The following LAMA1 variants were observed in gnomAD, a reference collection of about 807,000 sequenced individuals.
LAMA1 encodes the protein laminin subunit alpha-1.
A neutral mutation model predicts 348.7 loss-of-function variants in LAMA1; 219 were observed. That is an observed-to-expected ratio of 0.63 (90% CI 0.56 to 0.70). LAMA1 has a LOEUF of 0.70. Ranked by LOEUF, LAMA1 falls within the 30% of genes least tolerant of loss-of-function variation. The pLI is 0.00. For missense variants in LAMA1, 3,744 were observed against 3,888.0 expected (o/e 0.96, Z 0.99); for synonymous variants, 1,487 against 1,491.0 (o/e 1.00, Z 0.06).
At chr18:6,965,810 C>G in intron 49 of LAMA1, 1 of 404,894 alleles carries the variant, frequency 2.5e-6, no homozygotes, top group Non-Finnish European at 4.5e-6. Context: ...GGAATTCAAA[C>G]AATGTCACGG....
chr18:6,986,117 A>T lies in LAMA1; in HGVS notation c.5379+20T>A. 6.2e-7 allele frequency: 1 copy of T among 1,613,448 alleles called. No individual in the cohort carries two copies. The highest frequency in any genetic ancestry group is 8.5e-7 in the Non-Finnish European group (1 of 1,179,416). On this transcript the variant is annotated intron_variant, in intron 37 of 62. Coordinates refer to ENST00000389658, the MANE Select transcript of LAMA1 (RefSeq NM_005559.4). ...TTGTTACCTGTTCTAATTGAGAAGG[A>T]GAGAGCAAGTGAGACTCACACTGAA...
chr18:7,086,272 A>G (rs188498135), intron 1 of LAMA1, among the ~76,000 whole-genome samples: 50 of 152,344 alleles, frequency 3.3e-4, no homozygotes, highest in African/African-American at 1.2e-3. Flanking sequence ...CAATATTTGA[A>G]AACAGATTTG....
At chr18:7,034,141 A>C (rs1354022519) in intron 14 of LAMA1, among the ~76,000 whole-genome samples, 1 of 152,230 alleles carries the variant, frequency 6.6e-6, no homozygotes, top group African/African-American at 2.4e-5. Context: ...GGACTGAGTA[A>C]AAGCTAAGAC....
intron 3 of LAMA1, among the ~76,000 whole-genome samples, chr18:7,070,076 T>C (rs2058139686): frequency 6.6e-6 from 1 of 152,236 alleles, no homozygotes. Flanking sequence ...CTGAGTCTAG[T>C]AGCTTCACAG....
At chr18:7,019,977 C>A (rs552685904) in intron 19 of LAMA1, among the ~76,000 whole-genome samples, 1 of 151,954 alleles carries the variant, frequency 6.6e-6, no homozygotes, top group African/African-American at 2.4e-5. Context: ...CCACCATGCC[C>A]GGCCTATTAT....
At chr18:7,077,199 C>CTTTTTTTTTT (rs71165719) in intron 3 of LAMA1, among the ~76,000 whole-genome samples, 113 of 119,770 alleles carry the variant, frequency 9.4e-4, no homozygotes, top group Non-Finnish European at 1.3e-3. Flanking sequence ...CTGTTCTTTT[C>CTTTTTTTTTT]TTTTTTTTTT....
At chr18:7,093,477 A>G (rs2058248106) in intron 1 of LAMA1, among the ~76,000 whole-genome samples, 1 of 152,114 alleles carries the variant, frequency 6.6e-6, no homozygotes, top group Admixed American at 6.5e-5. Flanking sequence ...GAGTGGCCAA[A>G]ATAAAACCAG....
intron 53 of LAMA1, chr18:6,960,556 T>C (rs750254124): frequency 2.0e-5 from 3 of 150,728 alleles, no homozygotes; most frequent in Admixed American, 6.7e-5. Flanking sequence ...TTTTGAGTGA[T>C]GAAAATGTTT....
At position 6,999,954 on chromosome 18, in the gene LAMA1, A is replaced by G; in HGVS notation, c.4426T>C (p.Cys1476Arg). 6.2e-7 allele frequency: 1 copy of G among 1,614,138 alleles called. No homozygotes were observed. Among genetic ancestry groups the G allele is most frequent in the Non-Finnish European group, 8.5e-7 (1 of 1,179,982 alleles). The change falls in exon 31 of 63, where the codon TGT becomes CGT. Residue 1476 changes from cysteine to arginine, a missense_variant. Physicochemically the swap from Cys to Arg is radical, Grantham distance 180. Transcript: ENST00000389658. ...CVLEGDHDFR[C>R]DACLLGYEGK... ...TCATAGCCCAGGAGACAGGCGTCAC[A>G]ACGGAAATCGTGGTCCCCTTCCAAG...
intron 16 of LAMA1, among the ~76,000 whole-genome samples, chr18:7,027,521 AC>A (rs2144150679): frequency 6.6e-6 from 1 of 151,920 alleles, no homozygotes; most frequent in South Asian, 2.1e-4. Context: ...AATGAAAATA[AC>A]TAGACATGAG....
At chr18:7,016,350 C>A (rs28752162) in intron 21 of LAMA1, 141 bp downstream of exon 21, 1 of 934,984 alleles carries the variant, frequency 1.1e-6, no homozygotes, top group Admixed American at 2.1e-5. Context: ...GACCAGAAAC[C>A]AGAAAAAAGG....
intron 5 of LAMA1, among the ~76,000 whole-genome samples, chr18:7,046,660 T>C (rs1250592279): frequency 6.6e-6 from 1 of 152,104 alleles, no homozygotes; most frequent in Non-Finnish European, 1.5e-5. Context: ...AACCGTAAAA[T>C]AATTGGCAAA....
intron 18 of LAMA1, 40 bp downstream of exon 18, chr18:7,024,340 T>C (rs1172398992): frequency 6.6e-7 from 1 of 1,509,716 alleles, no homozygotes. Flanking sequence ...AATTTATATT[T>C]AATTTCGAAA....
intron 41 of LAMA1, 57 bp from the exon 42 acceptor site, chr18:6,980,694 G>C: frequency 3.1e-6 from 3 of 955,904 alleles, no homozygotes; most frequent in Non-Finnish European, 5.1e-6. Context: ...AAGTTGCCTA[G>C]GCAACAGCTT....
intron 1 of LAMA1, among the ~76,000 whole-genome samples, chr18:7,096,977 C>G (rs80126709): frequency 6.6e-6 from 1 of 152,172 alleles, no homozygotes; most frequent in Non-Finnish European, 1.5e-5. Context: ...CAGGGCTAGC[C>G]GTGAAAGCCA....
chr18:7,058,837 A>G lies in LAMA1; in HGVS notation c.346-7901T>C, dbSNP rs538733893. ...GAATTCACCAATCATGTGTTGACAA[A>G]TTGGTCTTATATGTAATGTAGAAAA... On this transcript the variant is annotated intron_variant, in intron 3 of 62. Coordinates refer to ENST00000389658, the MANE Select transcript of LAMA1 (RefSeq NM_005559.4). Among the ~76,000 whole-genome samples the G allele has an allele frequency of 4.6e-5, 7 of 152,338 alleles. No homozygotes were observed. In the South Asian group the frequency reaches 1.4e-3, roughly 32 times the overall value.
chr18:7,060,496 T>C (rs1050620718), intron 3 of LAMA1, among the ~76,000 whole-genome samples: 11 of 152,154 alleles, frequency 7.2e-5, no homozygotes, highest in African/African-American at 2.4e-4. Flanking sequence ...CTGCCAATAG[T>C]GATAAATTTA....
chr18:7,037,809 C>T lies in LAMA1; in HGVS notation c.1564-58G>A. 3 of 1,521,722 alleles carry T rather than the reference C, an allele frequency of 2.0e-6. No individual in the cohort carries two copies. The South Asian group carries it at 3.4e-5, about 17-fold the overall frequency. 94.3% of individuals were successfully genotyped at this position (1,521,722 alleles called of 1,614,324 possible). A position where few individuals can be genotyped will look rare whatever the true frequency, so the allele number is the denominator to read the frequency against. On this transcript the variant is annotated intron_variant, in intron 11 of 62. Transcript: ENST00000389658. ...AAATAGAACTTACCTTAGATTTCAC[C>T]CAGTGCAGCAGTAATATTTTCACAA...
chr18:7,043,133 A>G, intron 8 of LAMA1, 94 bp downstream of exon 8: 2 of 1,199,654 alleles, frequency 1.7e-6, no homozygotes, highest in Admixed American at 3.4e-5. Context: ...GAAATATTAC[A>G]AAAGTCTCCA....
Sources: allele counts gnomAD v4.1 joint callset (sites outside exome capture counted in the v4.1 genomes callset), GRCh38; gene constraint gnomAD v4.1.1; transcripts MANE v1.5; gene names NCBI Gene and HGNC (gene_info 2026-07-23, HGNC 2026-07-21).